PLPPR5: variants seen among roughly 807,000 people sequenced by gnomAD.
PLPPR5 encodes phospholipid phosphatase related 5, also known as phospholipid phosphatase-related protein type 5.
Under a neutral mutation model 33.9 loss-of-function variants are expected in PLPPR5, and 16 were observed. The ratio of observed to expected loss-of-function variants is 0.47; its 90% confidence interval spans 0.32 to 0.72. PLPPR5 has a LOEUF of 0.72. PLPPR5 is among the 30% of genes least tolerant of loss of function. The pLI, the probability that PLPPR5 is intolerant of heterozygous loss-of-function variation, is 0.03. For synonymous variants in PLPPR5, 163 were observed against 150.3 expected (o/e 1.08, Z -0.62); for missense variants, 301 against 406.7 (o/e 0.74, Z 2.23).
At chr1:98,921,835 GC>G (rs1649565844) in intron 4 of PLPPR5, 46 bp downstream of exon 4, 2 of 1,454,930 alleles carry the variant, frequency 1.4e-6, no homozygotes, top group Admixed American at 3.8e-5. Flanking sequence ...TGGTGATTAT[GC>G]AAGTTAATTA....
intron 1 of PLPPR5, among the ~76,000 whole-genome samples, chr1:98,969,910 T>A (rs1651600997): frequency 1.3e-5 from 2 of 151,988 alleles, no homozygotes; most frequent in Non-Finnish European, 2.9e-5. Context: ...TGAGTAACAC[T>A]CTCCTTTTCA....
chr1:98,967,284 C>G (rs558513808), intron 1 of PLPPR5, among the ~76,000 whole-genome samples: 1 of 152,226 alleles, frequency 6.6e-6, no homozygotes, highest in South Asian at 2.1e-4. Flanking sequence ...GGATGGCTCA[C>G]TTAACCAATG....
intron 3 of PLPPR5, among the ~76,000 whole-genome samples, chr1:98,924,454 A>G (rs1003152362): frequency 6.6e-6 from 1 of 152,202 alleles, no homozygotes; most frequent in African/African-American, 2.4e-5. Context: ...TGAATGCAAG[A>G]CAGTCAGAAA....
rs529713575 is a variant in PLPPR5 at position 98,942,338 on chromosome 1, C to T, written c.621+10732G>A. ...GATTACAGGCATGAGCCACTGCACC[C>T]GGACTACAGTGCTATATATTTTTTC... On this transcript the variant is annotated intron_variant, in intron 3 of 5. Coordinates refer to ENST00000263177, the MANE Select transcript of PLPPR5 (RefSeq NM_001037317.2). 1.4e-3 allele frequency among the ~76,000 whole-genome samples: 209 copies of T among 152,268 alleles called. 1 individual carries two copies. The highest frequency in any genetic ancestry group is 1.4e-3 in the Non-Finnish European group (94 of 68,022).
intron 5 of PLPPR5, 120 bp from the exon 6 acceptor site, chr1:98,893,224 C>G: frequency 1.2e-6 from 1 of 829,534 alleles, no homozygotes; most frequent in Non-Finnish European, 1.8e-6. Flanking sequence ...TGCAAAACAT[C>G]CAGCATTATT....
rs1247519605 is a variant in PLPPR5, at chr1:99,001,671, G to GATAGATAGATAGATATAT, written c.237+2763_237+2764insATATATCTATCTATCTAT. Among the ~76,000 whole-genome samples the GATAGATAGATAGATATAT allele has an allele frequency of 2.3e-4, 23 of 102,192 alleles. No homozygotes were observed. In the East Asian group the frequency reaches 7.1e-3, roughly 31 times the overall value. The allele number at this position is 102,192 out of a possible 152,430, so 67.0% of individuals were successfully genotyped here. A position where few individuals can be genotyped will look rare whatever the true frequency, so the allele number is the denominator to read the frequency against. The stretch of plus-strand genomic sequence containing the variant: ...ACTAGAAATGAGTTTGAAAGTTAAA[G>GATAGATAGATAGATATAT]ATATATATATATATATATATATATA... On this transcript the variant is annotated intron_variant, in intron 1 of 5. Coordinates refer to ENST00000263177, the MANE Select transcript of PLPPR5 (RefSeq NM_001037317.2).
At chr1:98,971,741 G>A (rs1258135718) in intron 1 of PLPPR5, among the ~76,000 whole-genome samples, 4 of 152,030 alleles carry the variant, frequency 2.6e-5, no homozygotes, top group African/African-American at 4.8e-5. Flanking sequence ...CTGGCACCAA[G>A]GTCTACAACT....
intron 5 of PLPPR5, among the ~76,000 whole-genome samples, chr1:98,908,360 A>T (rs72730307): frequency 0.2 from 29,818 of 152,160 alleles, 3,146 homozygotes; most frequent in African/African-American, 0.22. Flanking sequence ...ACACAGCTAT[A>T]AAGATATTAA....
At chr1:98,994,005 A>C (rs1428248140) in intron 1 of PLPPR5, among the ~76,000 whole-genome samples, 1 of 152,086 alleles carries the variant, frequency 6.6e-6, no homozygotes, top group African/African-American at 2.4e-5. Context: ...CTGCTCTATA[A>C]TTTCATAAGT....
intron 1 of PLPPR5, among the ~76,000 whole-genome samples, chr1:98,966,865 A>G (rs141187429): frequency 7.2e-5 from 11 of 152,272 alleles, no homozygotes; most frequent in Non-Finnish European, 1.6e-4. Flanking sequence ...TACAGACAGT[A>G]GCTCTCAAAT....
intron 1 of PLPPR5, among the ~76,000 whole-genome samples, chr1:98,957,099 C>T (rs559606195): frequency 1.3e-5 from 2 of 150,660 alleles, no homozygotes; most frequent in Non-Finnish European, 1.5e-5. Context: ...AAAAACCAAA[C>T]ACCACATATT....
intron 1 of PLPPR5, among the ~76,000 whole-genome samples, chr1:99,003,056 C>CATACATATATATATAT (rs1652921239): frequency 1.2e-5 from 1 of 81,118 alleles, no homozygotes. Flanking sequence ...ACTTATTTTA[C>CATACATATATATATAT]ATATATATAT....
At position 98,892,982 on chromosome 1, in the gene PLPPR5, T is replaced by G; in HGVS notation, c.*90A>C. On this transcript the variant is annotated 3_prime_UTR_variant, in exon 6 of 6. Transcript: ENST00000263177. ...AAAATTATTAAACAACTTTATAAAC[T>G]TCACTTGCAATCAAACAAACTTTGG... The G allele has an allele frequency of 8.0e-7, 1 of 1,244,440 alleles. No individual in the cohort carries two copies. The highest frequency in any genetic ancestry group is 1.5e-5 in the African/African-American group (1 of 65,250). 77.1% of individuals were successfully genotyped at this position (1,244,440 alleles called of 1,614,324 possible).
intron 1 of PLPPR5, among the ~76,000 whole-genome samples, chr1:98,985,594 C>G (rs763293682): frequency 6.6e-6 from 1 of 152,026 alleles, no homozygotes; most frequent in Non-Finnish European, 1.5e-5. Flanking sequence ...GAGCAATTTC[C>G]AGTCCTGCAA....
At chr1:98,969,825 G>A (rs1373735098) in intron 1 of PLPPR5, among the ~76,000 whole-genome samples, 1 of 151,770 alleles carries the variant, frequency 6.6e-6, no homozygotes, top group African/African-American at 2.4e-5. Flanking sequence ...TGTTTCTGTT[G>A]TACAGTGGTC....
intron 3 of PLPPR5, among the ~76,000 whole-genome samples, chr1:98,939,020 G>A (rs1650280330): frequency 6.6e-6 from 1 of 151,902 alleles, no homozygotes; most frequent in Non-Finnish European, 1.5e-5. Flanking sequence ...AACAACTAAT[G>A]GGTCCTAGGC....
At chr1:98,938,107 C>A (rs1219902091) in intron 3 of PLPPR5, among the ~76,000 whole-genome samples, 1 of 151,630 alleles carries the variant, frequency 6.6e-6, no homozygotes, top group African/African-American at 2.4e-5. Flanking sequence ...GTGTCTCCAG[C>A]CCCTGTGGTG....
At chr1:98,914,002 G>A (rs1174798010) in intron 5 of PLPPR5, among the ~76,000 whole-genome samples, 1 of 152,140 alleles carries the variant, frequency 6.6e-6, no homozygotes, top group African/African-American at 2.4e-5. Flanking sequence ...AGGAGAGCAC[G>A]ACTGGTGTTT....
chr1:98,942,183 G>A (rs1279851810), intron 3 of PLPPR5, among the ~76,000 whole-genome samples: 1 of 151,842 alleles, frequency 6.6e-6, no homozygotes, highest in Non-Finnish European at 1.5e-5. Flanking sequence ...GCGATTCTCC[G>A]GCCTCAGCCT....
Sources: allele counts gnomAD v4.1 joint callset (sites outside exome capture counted in the v4.1 genomes callset), GRCh38; gene constraint gnomAD v4.1.1; transcripts MANE v1.5; gene names NCBI Gene and HGNC (gene_info 2026-07-23, HGNC 2026-07-21).